SP3: variants seen among roughly 807,000 people sequenced by gnomAD.
SP3 encodes the protein Sp3 transcription factor, also known as transcription factor Sp3.
SP3 carries 10 observed loss-of-function variants against 70.3 expected under a neutral mutation model. That is an observed-to-expected ratio of 0.14 (90% CI 0.09 to 0.24). The LOEUF (loss-of-function observed/expected upper bound fraction) is 0.24, where lower values mean the gene tolerates loss of function less well. SP3 is among the 10% of genes least tolerant of loss of function. SP3 has a pLI of 1.00. For missense variants in SP3, 825 were observed against 914.6 expected, an observed-to-expected ratio of 0.90 and a Z score of 1.26; for synonymous variants, 402 against 333.5, an observed-to-expected ratio of 1.21 and a Z score of -2.24.
intron 5 of SP3, 136 bp from the exon 6 acceptor site, chr2:173,913,402 A>G: frequency 1.8e-6 from 1 of 567,866 alleles, no homozygotes; most frequent in Non-Finnish European, 2.7e-6. Flanking sequence ...AACCAAAACC[A>G]TTTAAAATCA....
In SP3 at chr2:173,904,113, G is replaced by A. The variant is rs976314280; in HGVS notation, c.*5828C>T. Among the ~76,000 whole-genome samples, 2 of 152,088 alleles carry A rather than the reference G, an allele frequency of 1.3e-5. No homozygotes were observed. The highest frequency in any genetic ancestry group is 2.9e-5 in the Non-Finnish European group (2 of 68,008). On this transcript the variant is annotated 3_prime_UTR_variant, in exon 7 of 7. Coordinates refer to ENST00000310015, the MANE Select transcript of SP3 (RefSeq NM_003111.5). Reference sequence around the variant, plus strand: ...GCATGCGGGGTTCACAACGGGGTTCGCACTCCTATGAGAATCTAATGTTGT... The same window carrying A: ...GCATGCGGGGTTCACAACGGGGTTCACACTCCTATGAGAATCTAATGTTGT...
chr2:173,944,083 G>C (rs920219315), intron 4 of SP3, among the ~76,000 whole-genome samples: 2 of 152,230 alleles, frequency 1.3e-5, no homozygotes, highest in Non-Finnish European at 2.9e-5. Context: ...GCTGCTGACT[G>C]AAACATCATT....
chr2:173,965,691 G>A (rs1035974279), upstream of SP3: 2 of 157,682 alleles, frequency 1.3e-5, no homozygotes, highest in Non-Finnish European at 2.8e-5. Flanking sequence ...AGCTGGGGAG[G>A]AAATTCGTCC....
chr2:173,955,409 A>T lies in SP3; in HGVS notation c.1103T>A (p.Leu368His), dbSNP rs1690848171. 6.2e-7 allele frequency: 1 copy of T among 1,613,984 alleles called. No individual in the cohort carries two copies. Among genetic ancestry groups the T allele is most frequent in the Non-Finnish European group, 8.5e-7 (1 of 1,180,032 alleles). The change falls in exon 4 of 7, where the codon CTT becomes CAT. Residue 368 changes from leucine (L) to histidine (H), a missense_variant. Physicochemically the swap from Leu to His is moderately conservative, Grantham distance 99 (BLOSUM62 -3). Coordinates refer to ENST00000310015, the MANE Select transcript of SP3 (RefSeq NM_003111.5). ...AGGCGACTGGATATAATTTCCCTGA[A>T]GATCTGAAGAATGAACCTGCCCACT... ...TSSGQVHSSDLQGNYIQSPVS... is the reference protein window; with the variant it reads ...TSSGQVHSSDHQGNYIQSPVS...
intron 6 of SP3, among the ~76,000 whole-genome samples, chr2:173,911,813 C>CTTTTTTTTTTT (rs11448837): frequency 1.0e-5 from 1 of 98,042 alleles, no homozygotes; most frequent in Non-Finnish European, 1.9e-5. Context: ...TTTTATCTAC[C>CTTTTTTTTTTT]TTTTTTTTTT....
At chr2:173,929,338 C>G (rs754358996) in intron 4 of SP3, among the ~76,000 whole-genome samples, 1 of 152,130 alleles carries the variant, frequency 6.6e-6, no homozygotes, top group Non-Finnish European at 1.5e-5. Context: ...TACACCTGTC[C>G]CTCCATTCAG....
Position 173,964,399 on chromosome 2 carries a change from C to A in SP3, c.156+6G>T. ...GGAGCCGGGCCGGGGTTCAGCCGCTCCTCACCTGGGCCGCCGCTGCCGCCG... is the reference window on the plus strand; with the variant it reads ...GGAGCCGGGCCGGGGTTCAGCCGCTACTCACCTGGGCCGCCGCTGCCGCCG... On this transcript the variant is annotated splice_donor_region_variant and intron_variant, in intron 2 of 6. Coordinates refer to ENST00000310015, the MANE Select transcript of SP3 (RefSeq NM_003111.5). The A allele has an allele frequency of 1.4e-6, 1 of 713,150 alleles. No individual in the cohort carries two copies. Among genetic ancestry groups the A allele is most frequent in the Non-Finnish European group, 2.6e-6 (1 of 392,058 alleles). 44.2% of individuals were successfully genotyped at this position (713,150 alleles called of 1,614,324 possible).
At chr2:173,964,307 A>ACGAGGAAGGAGGGGTGAGG in intron 2 of SP3, 98 bp downstream of exon 2, 1 of 547,958 alleles carries the variant, frequency 1.8e-6, no homozygotes, top group Non-Finnish European at 3.2e-6. Context: ...GAGGGGAGAG[A>ACGAGGAAGGAGGGGTGAGG]CGAGGAGGGA....
At position 173,901,644 on chromosome 2, in the gene SP3, C is replaced by T. The variant is rs1224998554; in HGVS notation, c.*8297G>A. The stretch of plus-strand genomic sequence containing the variant: ...CCATCATGTGCAGTAGCCTATATCC[C>T]CAGCCGTTGGATAAAATGAACAGCA... On this transcript the variant is annotated 3_prime_UTR_variant, in exon 7 of 7. Transcript: ENST00000310015. Among the ~76,000 whole-genome samples, 1 of 151,678 alleles carries T rather than the reference C, an allele frequency of 6.6e-6. No individual in the cohort carries two copies. The highest frequency in any genetic ancestry group is 2.4e-5 in the African/African-American group (1 of 41,270).
chr2:173,942,119 C>T (rs1020719324), intron 4 of SP3, among the ~76,000 whole-genome samples: 3 of 152,160 alleles, frequency 2.0e-5, no homozygotes, highest in African/African-American at 7.2e-5. Flanking sequence ...ATTCTTAAAC[C>T]AGCTGCACTT....
chr2:173,947,116 G>A (rs1244798152), intron 4 of SP3, among the ~76,000 whole-genome samples: 3 of 152,108 alleles, frequency 2.0e-5, no homozygotes, highest in Non-Finnish European at 4.4e-5. Flanking sequence ...TTTAGTTCAA[G>A]TCAGAGATGA....
In SP3 at chr2:173,903,993, G is replaced by C. The variant is rs1336573038; in HGVS notation, c.*5948C>G. 6.6e-6 allele frequency among the ~76,000 whole-genome samples: 1 copy of C among 151,838 alleles called. No individual in the cohort carries two copies. The highest frequency in any genetic ancestry group is 1.5e-5 in the Non-Finnish European group (1 of 67,910). Reference sequence around the variant, plus strand: ...AGGAAGACAATTTTTTCATGGATGGGGGTCGGGGGGTGGGGATGGTTGTAG... The same window carrying C: ...AGGAAGACAATTTTTTCATGGATGGCGGTCGGGGGGTGGGGATGGTTGTAG... On this transcript the variant is annotated 3_prime_UTR_variant, in exon 7 of 7. Coordinates refer to ENST00000310015, the MANE Select transcript of SP3 (RefSeq NM_003111.5).
rs983913524 is a variant in SP3, at chr2:173,903,605, A to C, written c.*6336T>G. Among the ~76,000 whole-genome samples, 4 of 152,214 alleles carry C rather than the reference A, an allele frequency of 2.6e-5. No homozygotes were observed. The highest frequency in any genetic ancestry group is 1.9e-4 in the East Asian group (1 of 5,202). Reference sequence around the variant, plus strand: ...TAATTGGGTATACATAATTAAAAGAAAGACCCAAACCTATTCTGAGTCCTA... The same window carrying C: ...TAATTGGGTATACATAATTAAAAGACAGACCCAAACCTATTCTGAGTCCTA... On this transcript the variant is annotated 3_prime_UTR_variant, in exon 7 of 7. Transcript: ENST00000310015.
rs1221322235 is a variant in SP3, at chr2:173,906,151, A to G, written c.*3790T>C. Reference sequence around the variant, plus strand: ...AAAATTTTTCCACTCTGTCCCTCACAAAGTCCCCCATCACCCAACATACCA... The same window carrying G: ...AAAATTTTTCCACTCTGTCCCTCACGAAGTCCCCCATCACCCAACATACCA... On this transcript the variant is annotated 3_prime_UTR_variant, in exon 7 of 7. Transcript: ENST00000310015. Among the ~76,000 whole-genome samples, 1 of 151,396 alleles carries G rather than the reference A, an allele frequency of 6.6e-6. No homozygotes were observed. Among genetic ancestry groups the G allele is most frequent in the African/African-American group, 2.4e-5 (1 of 41,058 alleles).
chr2:173,930,617 A>G (rs552759618), intron 4 of SP3, among the ~76,000 whole-genome samples: 1 of 152,354 alleles, frequency 6.6e-6, no homozygotes, highest in South Asian at 2.1e-4. Context: ...CTTCAAATGC[A>G]TTAAATATAT....
chr2:173,963,059 C>T (rs1271389244), intron 3 of SP3: 1 of 152,148 alleles, frequency 6.6e-6, no homozygotes, highest in East Asian at 1.9e-4. Flanking sequence ...CACGTAAATA[C>T]AATTCCTTAC....
Position 173,955,959 on chromosome 2 carries a change from G to C in SP3, c.553C>G (p.Gln185Glu), listed in dbSNP as rs747830983. The stretch of plus-strand genomic sequence containing the variant: ...TCTGAAGAGCCTGTGAAACCAATTT[G>C]AACCTGCTGACCATCTGCTGACTGG... ...QIQSADGQQV[Q>E]IGFTGSSDNG... Residue 185 changes from glutamine (Q) to glutamate (E), a missense_variant, in exon 4 of 7, where the codon CAA (glutamine) becomes GAA (glutamate). Transcript: ENST00000310015. 4 of 1,614,152 alleles carry C rather than the reference G, an allele frequency of 2.5e-6. No individual in the cohort carries two copies. The South Asian group carries it at 4.4e-5, about 18-fold the overall frequency.
intron 4 of SP3, among the ~76,000 whole-genome samples, chr2:173,951,993 T>C (rs966586500): frequency 5.9e-5 from 9 of 152,172 alleles, no homozygotes; most frequent in Non-Finnish European, 1.3e-4. Flanking sequence ...AAGCTCATAA[T>C]AGATTTGAGT....
chr2:173,920,926 C>T (rs1689736240), intron 4 of SP3, among the ~76,000 whole-genome samples: 1 of 152,064 alleles, frequency 6.6e-6, no homozygotes, highest in Admixed American at 6.5e-5. Context: ...GGAGTAGGTG[C>T]TCCATGGGGA....
Sources: allele counts gnomAD v4.1 joint callset (sites outside exome capture counted in the v4.1 genomes callset), GRCh38; gene constraint gnomAD v4.1.1; transcripts MANE v1.5; gene names NCBI Gene and HGNC (gene_info 2026-07-23, HGNC 2026-07-21).